Variants in SEMA3A observed in about 807,000 individuals in gnomAD.
SEMA3A encodes the protein semaphorin-3A.
Under a neutral mutation model 97.9 loss-of-function variants are expected in SEMA3A, and 29 were observed. That is an observed-to-expected ratio of 0.30 (90% CI 0.22 to 0.40). The LOEUF (loss-of-function observed/expected upper bound fraction) is 0.40, where lower values mean the gene tolerates loss of function less well. Among genes scored for constraint, SEMA3A ranks in the 10% least tolerant of loss-of-function variants. The pLI is 1.00. For missense variants in SEMA3A, 763 were observed against 951.3 expected, an observed-to-expected ratio of 0.80 and a Z score of 2.60; for synonymous variants, 321 against 323.7, an observed-to-expected ratio of 0.99 and a Z score of 0.09.
At chr7:83,968,920 C>T (rs1443083395) in intron 15 of SEMA3A, among the ~76,000 whole-genome samples, 1 of 149,992 alleles carries the variant, frequency 6.7e-6, no homozygotes, top group Non-Finnish European at 1.5e-5. Flanking sequence ...AAACAATTCT[C>T]CTGCCTCAGC....
intron 3 of SEMA3A, among the ~76,000 whole-genome samples, chr7:84,220,685 TG>T (rs1562858853): frequency 6.6e-6 from 1 of 152,148 alleles, no homozygotes; most frequent in Non-Finnish European, 1.5e-5. Flanking sequence ...GCATTGTCAG[TG>T]AGCAATAATA....
At chr7:84,316,054 A>T (rs2115887868) in intron 2 of SEMA3A, among the ~76,000 whole-genome samples, 1 of 146,696 alleles carries the variant, frequency 6.8e-6, no homozygotes, top group East Asian at 2.1e-4. Context: ...CTACTCACGA[A>T]GTTGAGGCAG....
chr7:84,470,720 C>T (rs1268236727), intron 1 of SEMA3A, among the ~76,000 whole-genome samples: 2 of 151,914 alleles, frequency 1.3e-5, no homozygotes, highest in Middle Eastern at 3.2e-3. Context: ...TTTTTTAACA[C>T]TTCTCTTTTA....
intron 4 of SEMA3A, among the ~76,000 whole-genome samples, chr7:84,063,897 G>C (rs533797607): frequency 4.0e-5 from 6 of 150,310 alleles, no homozygotes; most frequent in Non-Finnish European, 5.9e-5. Context: ...AGCCAACATT[G>C]AGATTCAGGA....
chr7:84,136,543 G>C (rs1410787979), intron 1 of SEMA3A, among the ~76,000 whole-genome samples: 1 of 152,104 alleles, frequency 6.6e-6, no homozygotes, highest in Non-Finnish European at 1.5e-5. Context: ...CTACAGAATA[G>C]AGCCACGCTT....
At chr7:84,112,700 G>A (rs1345031678) in intron 3 of SEMA3A, among the ~76,000 whole-genome samples, 1 of 152,118 alleles carries the variant, frequency 6.6e-6, no homozygotes, top group African/African-American at 2.4e-5. Context: ...AAGGAAACTA[G>A]CAGATTGTAA....
intron 14 of SEMA3A, among the ~76,000 whole-genome samples, chr7:83,980,091 T>C (rs962661585): frequency 6.6e-6 from 1 of 152,142 alleles, no homozygotes; most frequent in Admixed American, 6.5e-5. Context: ...TTTGGGCTCA[T>C]ATTAACGAGA....
intron 1 of SEMA3A, among the ~76,000 whole-genome samples, chr7:84,401,776 T>C (rs996715542): frequency 2.0e-5 from 3 of 152,156 alleles, no homozygotes; most frequent in Admixed American, 2.0e-4. Flanking sequence ...GTGTCTGTAA[T>C]CAATGGTGCT....
At chr7:84,483,714 TTGAG>T (rs1232779240) in intron 1 of SEMA3A, among the ~76,000 whole-genome samples, 1 of 151,724 alleles carries the variant, frequency 6.6e-6, no homozygotes, top group Non-Finnish European at 1.5e-5. Context: ...TTCAAAGACT[TTGAG>T]TGGGGAATAG....
intron 1 of SEMA3A, among the ~76,000 whole-genome samples, chr7:84,425,323 A>AATATATAATATAATGATATAT (rs1804774090): frequency 9.3e-6 from 1 of 108,018 alleles, no homozygotes; most frequent in African/African-American, 4.6e-5. Context: ...TAATGATATA[A>AATATATAATATAATGATATAT]ATATAAATAT....
At chr7:84,091,203 AG>A (rs1794580317) in intron 4 of SEMA3A, among the ~76,000 whole-genome samples, 1 of 77,572 alleles carries the variant, frequency 1.3e-5, no homozygotes, top group South Asian at 4.0e-4. Context: ...AAAGAAAGAA[AG>A]AAAGAAAGAA....
chr7:83,982,849 T>C (rs1562953274), intron 13 of SEMA3A, among the ~76,000 whole-genome samples: 2 of 152,052 alleles, frequency 1.3e-5, no homozygotes, highest in African/African-American at 4.8e-5. Flanking sequence ...TAAGAAAATA[T>C]TAAGGTTATA....
intron 5 of SEMA3A, among the ~76,000 whole-genome samples, chr7:84,054,138 C>T (rs1451578483): frequency 6.6e-6 from 1 of 152,084 alleles, no homozygotes; most frequent in Non-Finnish European, 1.5e-5. Context: ...CTCTGGCTGC[C>T]CTTAATATTT....
chr7:84,248,028 AT>A (rs1254864275), intron 3 of SEMA3A, among the ~76,000 whole-genome samples: 1 of 152,204 alleles, frequency 6.6e-6, no homozygotes, highest in Non-Finnish European at 1.5e-5. Context: ...GTTGGGCAGT[AT>A]AAAGAAGTCA....
intron 12 of SEMA3A, among the ~76,000 whole-genome samples, chr7:83,996,576 G>A (rs1626663): frequency 0.76 from 114,826 of 152,060 alleles, 43,536 homozygotes; most frequent in East Asian, 0.89. Context: ...GCTGGGATTA[G>A]AGGTGTGAGC....
intron 11 of SEMA3A, among the ~76,000 whole-genome samples, chr7:84,003,367 T>C (rs1382422876): frequency 1.3e-5 from 2 of 152,198 alleles, no homozygotes; most frequent in Admixed American, 6.5e-5. Flanking sequence ...GATCAAGTTT[T>C]ACTGAGTAGT....
In SEMA3A at chr7:84,194,641, G is replaced by A; in HGVS notation, c.-55C>T. 2.7e-6 allele frequency: 3 copies of A among 1,115,058 alleles called. No individual in the cohort carries two copies. The highest frequency in any genetic ancestry group is 3.7e-5 in the Admixed American group (2 of 53,822). 69.1% of individuals were successfully genotyped at this position (1,115,058 alleles called of 1,614,324 possible). ...TTTAGTCTTCCTTCCTGTATTGTGC[G>A]GCCAGAGAAGTTCAAACAATCTGGA... is the stretch of plus-strand genomic sequence containing the variant. On this transcript the variant is annotated 5_prime_UTR_variant, in exon 1 of 17. Coordinates refer to ENST00000265362, the MANE Select transcript of SEMA3A (RefSeq NM_006080.3).
rs1321787931 is a variant in SEMA3A, at chr7:84,136,958, GAAGA to G, written c.113-2011_113-2008del. 3.7e-3 allele frequency among the ~76,000 whole-genome samples: 166 copies of G among 44,856 alleles called. 1 individual carries two copies. Among genetic ancestry groups the G allele is most frequent in the East Asian group, 9.7e-3 (15 of 1,552 alleles). The allele number at this position is 44,856 out of a possible 152,430, so 29.4% of individuals were successfully genotyped here. ...GAAGGGAGGGAGGGAAGGAGGGAGG[GAAGA>G]AGGAAGGAAGGAAGGAAGGAAGGAA... On this transcript the variant is annotated intron_variant, in intron 1 of 16. Coordinates refer to ENST00000265362, the MANE Select transcript of SEMA3A (RefSeq NM_006080.3).
At chr7:84,085,192 A>G (rs890986016) in intron 4 of SEMA3A, among the ~76,000 whole-genome samples, 6 of 151,966 alleles carry the variant, frequency 3.9e-5, no homozygotes, top group African/African-American at 1.5e-4. Flanking sequence ...AGGGTCAAAC[A>G]TGAACATGTG....
Sources: gnomAD v4.1 joint callset for allele counts (sites outside exome capture counted in the v4.1 genomes callset) on GRCh38, gnomAD v4.1.1 for gene constraint, MANE v1.5 for transcripts, NCBI Gene and HGNC (gene_info 2026-07-23, HGNC 2026-07-21) for gene names.